Variants in ANKRD6 observed in about 807,000 individuals in gnomAD.
ANKRD6 encodes the protein ankyrin repeat domain 6.
In ANKRD6, 56 loss-of-function variants were observed where a neutral mutation model predicts 82.3. That is an observed-to-expected ratio of 0.68 (90% CI 0.55 to 0.85). ANKRD6 has a LOEUF of 0.85. ANKRD6 is among the 40% of genes least tolerant of loss of function. The pLI is 0.00. For synonymous variants in ANKRD6, 347 were observed against 352.1 expected (o/e 0.99, Z 0.16); for missense variants, 852 against 907.6 (o/e 0.94, Z 0.79).
intron 1 of ANKRD6, among the ~76,000 whole-genome samples, chr6:89,555,946 G>C (rs16881936): frequency 6.6e-6 from 1 of 152,088 alleles, no homozygotes; most frequent in Non-Finnish European, 1.5e-5. Context: ...GGAGAGTAAC[G>C]TGGCAGAATG....
chr6:89,541,603 A>G (rs1007064795), intron 1 of ANKRD6, among the ~76,000 whole-genome samples: 1 of 151,810 alleles, frequency 6.6e-6, no homozygotes, highest in African/African-American at 2.4e-5. Context: ...TGTGTTGGCC[A>G]GGCTGGTCCT....
chr6:89,529,381 C>A (rs576127308), intron 1 of ANKRD6, among the ~76,000 whole-genome samples: 1 of 152,224 alleles, frequency 6.6e-6, no homozygotes, highest in Non-Finnish European at 1.5e-5. Context: ...TTTTCTTCTG[C>A]AGCTTCCTCA....
intron 1 of ANKRD6, among the ~76,000 whole-genome samples, chr6:89,472,723 C>T (rs934656933): frequency 6.6e-6 from 1 of 152,148 alleles, no homozygotes; most frequent in Non-Finnish European, 1.5e-5. Context: ...CACTGGCCCA[C>T]GTTGGAGTAT....
chr6:89,534,266 A>G (rs1029877582), intron 1 of ANKRD6, among the ~76,000 whole-genome samples: 2 of 152,094 alleles, frequency 1.3e-5, no homozygotes, highest in African/African-American at 4.8e-5. Context: ...GTCAAAGGAG[A>G]GATGAGTTGT....
At position 89,512,031 on chromosome 6, in the gene ANKRD6, G is replaced by A. The variant is rs545253433; in HGVS notation, c.-143-54803G>A. Among the ~76,000 whole-genome samples, 10 of 151,774 alleles carry A rather than the reference G, an allele frequency of 6.6e-5. No individual in the cohort carries two copies. The East Asian group carries it at 1.9e-3, about 29-fold the overall frequency. The stretch of plus-strand genomic sequence containing the variant: ...TGGGCTTAGGTGATCCTCCCACCCC[G>A]GCCTCTCAAAGTGCTGGGATTACAG... On this transcript the variant is annotated intron_variant, in intron 1 of 15. Transcript: ENST00000339746.
chr6:89,611,015 C>T (rs1236012328), intron 5 of ANKRD6, among the ~76,000 whole-genome samples: 1 of 151,974 alleles, frequency 6.6e-6, no homozygotes, highest in Non-Finnish European at 1.5e-5. Context: ...CTAATGTGCA[C>T]CCAAGGGTTG....
intron 1 of ANKRD6, among the ~76,000 whole-genome samples, chr6:89,521,431 A>G (rs967769540): frequency 9.9e-5 from 15 of 152,152 alleles, no homozygotes; most frequent in Admixed American, 2.0e-4. Flanking sequence ...AAGCCCCCCA[A>G]TGTGAGGCTG....
chr6:89,529,168 C>T (rs1782851932), intron 1 of ANKRD6, among the ~76,000 whole-genome samples: 2 of 152,204 alleles, frequency 1.3e-5, no homozygotes, highest in African/African-American at 4.8e-5. Context: ...GAATCTTCTT[C>T]CAGTAGAAGG....
At chr6:89,484,758 C>G (rs1777178616) in intron 1 of ANKRD6, among the ~76,000 whole-genome samples, 1 of 152,202 alleles carries the variant, frequency 6.6e-6, no homozygotes. Context: ...TTCAAGCAGT[C>G]AGTCTTCTAT....
chr6:89,622,690 C>T (rs990131804), intron 10 of ANKRD6, among the ~76,000 whole-genome samples: 5 of 152,196 alleles, frequency 3.3e-5, no homozygotes, highest in African/African-American at 1.2e-4. Context: ...TTGCCCCACA[C>T]CTCCACCTCA....
Position 89,629,202 on chromosome 6 carries a change from G to A in ANKRD6, c.1576G>A (p.Ala526Thr). Residue 526 changes from alanine (A) to threonine (T), a missense_variant, in exon 15 of 16, where the codon GCT becomes ACT. Transcript: ENST00000339746. ...KLSGDSRACR[A>T]KSTPSTCESS... ...TTCTGGAGATTCTAGGGCCTGCAGA[G>A]CTAAATCCACACCATCTACTTGTGA... 1.2e-6 allele frequency: 2 copies of A among 1,613,782 alleles called. No individual in the cohort carries two copies. The highest frequency in any genetic ancestry group is 1.7e-6 in the Non-Finnish European group (2 of 1,179,834).
chr6:89,502,273 CTTAACG>C (rs1420038191), intron 1 of ANKRD6, among the ~76,000 whole-genome samples: 3 of 152,130 alleles, frequency 2.0e-5, no homozygotes, highest in African/African-American at 7.2e-5. Flanking sequence ...CATTGCCATA[CTTAACG>C]TAACTATAAT....
chr6:89,497,834 A>G (rs1046383235), intron 1 of ANKRD6, among the ~76,000 whole-genome samples: 1 of 152,198 alleles, frequency 6.6e-6, no homozygotes, highest in Non-Finnish European at 1.5e-5. Flanking sequence ...GAACGTTTTC[A>G]TTACTCCAAA....
chr6:89,559,554 G>C (rs1200943938), intron 1 of ANKRD6, among the ~76,000 whole-genome samples: 1 of 152,190 alleles, frequency 6.6e-6, no homozygotes, highest in African/African-American at 2.4e-5. Flanking sequence ...TTAAGCAATG[G>C]GTAGAAATTG....
intron 1 of ANKRD6, among the ~76,000 whole-genome samples, chr6:89,490,756 G>T (rs956779223): frequency 3.3e-5 from 5 of 152,184 alleles, no homozygotes; most frequent in Admixed American, 2.0e-4. Flanking sequence ...CACCTCTGCG[G>T]TTTAGAAAAC....
chr6:89,625,081 G>A (rs868697119), intron 13 of ANKRD6, among the ~76,000 whole-genome samples: 9 of 152,178 alleles, frequency 5.9e-5, no homozygotes, highest in Middle Eastern at 3.4e-3. Context: ...TCAGGAGTTC[G>A]AGACCAGCCT....
chr6:89,464,035 G>A (rs1774531826), intron 1 of ANKRD6, among the ~76,000 whole-genome samples: 2 of 152,144 alleles, frequency 1.3e-5, no homozygotes, highest in Admixed American at 6.5e-5. Context: ...AATTTATCAG[G>A]TGTAAGGCCA....
At position 89,473,461 on chromosome 6, in the gene ANKRD6, G is replaced by C. The variant is rs954111946; in HGVS notation, c.-144+40086G>C. The stretch of plus-strand genomic sequence containing the variant: ...TTTTACTCTAAAGGTGTTACTTCTT[G>C]TTTACTTTTCCTTTTAAATCTCATC... On this transcript the variant is annotated intron_variant, in intron 1 of 15. Coordinates refer to ENST00000339746, the MANE Select transcript of ANKRD6 (RefSeq NM_001242809.2). Among the ~76,000 whole-genome samples the C allele has an allele frequency of 5.9e-5, 9 of 151,266 alleles. No individual in the cohort carries two copies. The South Asian group carries it at 1.9e-3, about 32-fold the overall frequency.
At position 89,548,750 on chromosome 6, in the gene ANKRD6, A is replaced by G. The variant is rs528576802; in HGVS notation, c.-143-18084A>G. ...CCTTTGGAGCTTTGTTATTATTTTG[A>G]TAAAATTATACAGTGGCGACCAGTG... is the stretch of plus-strand genomic sequence containing the variant. On this transcript the variant is annotated intron_variant, in intron 1 of 15. Coordinates refer to ENST00000339746, the MANE Select transcript of ANKRD6 (RefSeq NM_001242809.2). 2.0e-3 allele frequency among the ~76,000 whole-genome samples: 304 copies of G among 152,364 alleles called. 1 individual carries two copies. The highest frequency in any genetic ancestry group is 6.9e-3 in the African/African-American group (288 of 41,588).
Sources: gnomAD v4.1 joint callset for allele counts (sites outside exome capture counted in the v4.1 genomes callset) on GRCh38, gnomAD v4.1.1 for gene constraint, MANE v1.5 for transcripts, NCBI Gene and HGNC (gene_info 2026-07-23, HGNC 2026-07-21) for gene names.